Variants in QRICH2 observed in about 807,000 individuals in gnomAD.
QRICH2 encodes the protein glutamine-rich protein 2.
Under a neutral mutation model 168.3 loss-of-function variants are expected in QRICH2, and 119 were observed. The observed-to-expected ratio is 0.71, with a 90% CI of 0.61 to 0.82. The LOEUF (loss-of-function observed/expected upper bound fraction) is 0.82. QRICH2 is among the 40% of genes least tolerant of loss of function. The pLI is 0.00. For missense variants in QRICH2, 2,241 were observed against 2,491.6 expected, an observed-to-expected ratio of 0.90 and a Z score of 2.14; for synonymous variants, 894 against 951.2, an observed-to-expected ratio of 0.94 and a Z score of 1.11.
At chr17:76,302,078 T>C (rs937117005) in intron 3 of QRICH2, among the ~76,000 whole-genome samples, 1 of 152,136 alleles carries the variant, frequency 6.6e-6, no homozygotes, top group Admixed American at 6.5e-5. Flanking sequence ...TTTGTATTTT[T>C]AGTAGAGATG....
At chr17:76,278,688 G>C (rs565043737) in intron 14 of QRICH2, among the ~76,000 whole-genome samples, 1 of 152,192 alleles carries the variant, frequency 6.6e-6, no homozygotes, top group African/African-American at 2.4e-5. Flanking sequence ...TCCCCCCACC[G>C]CTCTAATCCC....
At position 76,305,165 on chromosome 17, in the gene QRICH2, C is replaced by CTTT. The variant is rs371179936; in HGVS notation, c.535-227_535-225dup. 4.9e-3 allele frequency among the ~76,000 whole-genome samples: 641 copies of CTTT among 129,998 alleles called. 17 individuals are homozygous for CTTT. Among genetic ancestry groups the CTTT allele is most frequent in the African/African-American group, 0.019 (609 of 32,568 alleles). 85.3% of individuals were successfully genotyped at this position (129,998 alleles called of 152,430 possible). A position where few individuals can be genotyped will look rare whatever the true frequency, so the allele number is the denominator to read the frequency against. The stretch of plus-strand genomic sequence containing the variant: ...CTTCTACTTGGGTTTTTTTGGTTTC[C>CTTT]TTTTTTTTTTTTTTTTGAGACAGGG... On this transcript the variant is annotated intron_variant, in intron 1 of 18. Transcript: ENST00000680821.
At position 76,282,087 on chromosome 17, in the gene QRICH2, C is replaced by T. The variant is rs1213383130; in HGVS notation, c.4040G>A (p.Ser1347Asn). 5.6e-6 allele frequency: 9 copies of T among 1,609,716 alleles called. No individual in the cohort carries two copies. The highest frequency in any genetic ancestry group is 3.3e-5 in the South Asian group (3 of 90,928). ...QLDKLRMIIE[S>N]MLTSSSTLLS... ...GAGCGTGGAGGAGGAGGTCAGCATG[C>T]TCTCAATGATCATCCTGAGCTTGTC... Residue 1347 changes from serine to asparagine, a missense_variant, in exon 8 of 19, where the codon AGC becomes AAC. Ser to Asn is a conservative substitution (Grantham distance 46). Coordinates refer to ENST00000680821, the MANE Select transcript of QRICH2 (RefSeq NM_001388453.1).
rs2070850496 is a variant in QRICH2 at position 76,284,714 on chromosome 17, A to T, written c.4011+2478T>A. The stretch of plus-strand genomic sequence containing the variant: ...GCGCCTGTAATCCCAGCTGCTTGGG[A>T]GGCTGAGGCAGGAGAATCACTTGAA... On this transcript the variant is annotated intron_variant, in intron 7 of 18. Coordinates refer to ENST00000680821, the MANE Select transcript of QRICH2 (RefSeq NM_001388453.1). 2.0e-5 allele frequency among the ~76,000 whole-genome samples: 3 copies of T among 151,832 alleles called. 1 individual carries two copies. Among genetic ancestry groups the T allele is most frequent in the African/African-American group, 7.2e-5 (3 of 41,498 alleles).
intron 4 of QRICH2, among the ~76,000 whole-genome samples, chr17:76,290,744 T>C (rs1361432164): frequency 6.6e-6 from 1 of 152,116 alleles, no homozygotes; most frequent in African/African-American, 2.4e-5. Context: ...GCTACTGCTC[T>C]CTATAACCAG....
Position 76,294,016 on chromosome 17 carries a change from T to C in QRICH2, c.711A>G (p.Ser237=). The C allele has an allele frequency of 6.3e-7, 1 of 1,597,306 alleles. No individual in the cohort carries two copies. The highest frequency in any genetic ancestry group is 8.6e-7 in the Non-Finnish European group (1 of 1,169,526). Residue 237 remains serine (S), a synonymous_variant, in exon 4 of 19, where the codon TCA becomes TCG. Transcript: ENST00000680821. The part of the protein sequence containing the change: ...TDGWRASQAG[S]ETLMGFSKHG... ...GCTTAGAAAATCCCATAAGTGTTTC[T>C]GAGCCCTGGTTGGAGAGGAAGAAGG...
Position 76,276,704 on chromosome 17 carries a change from G to A in QRICH2, c.5329C>T (p.Leu1777=). ...HIYKGRMDTR[L]PGILRKDSSG... is the part of the protein sequence containing the mutation. ...CTGTCTTTTCGGAGGATGCCTGGCA[G>A]CCTTGTGTCCATCCGTCCCTTGTAA... Residue 1777 remains leucine, a synonymous_variant, in exon 17 of 19, where the codon CTG becomes TTG. Transcript: ENST00000680821. 1.2e-6 allele frequency: 2 copies of A among 1,613,828 alleles called. No individual in the cohort carries two copies. The highest frequency in any genetic ancestry group is 1.7e-6 in the Non-Finnish European group (2 of 1,179,936).
At position 76,293,813 on chromosome 17, in the gene QRICH2, T is replaced by C. The variant is rs1369100410; in HGVS notation, c.914A>G (p.Lys305Arg). 2 of 1,613,930 alleles carry C rather than the reference T, an allele frequency of 1.2e-6. No homozygotes were observed. Among genetic ancestry groups the C allele is most frequent in the East Asian group, 2.2e-5 (1 of 44,884 alleles). ...CTGTCTCCCAGTACCAGAGGGGACC[T>C]TGCTTTGTTCCCTACTGGAAACCCC... ...SDGVSSREQS[K>R]VPSGTGRQQQ... The change falls in exon 4 of 19, where the codon AAG (lysine) becomes AGG (arginine). Residue 305 changes from lysine to arginine, a missense_variant. Lys to Arg is a conservative substitution (Grantham distance 26). Transcript: ENST00000680821.
intron 5 of QRICH2, among the ~76,000 whole-genome samples, chr17:76,288,227 T>C (rs2143253277): frequency 6.6e-6 from 1 of 150,468 alleles, no homozygotes; most frequent in African/African-American, 2.4e-5. Flanking sequence ...TACTAAAAAA[T>C]ACAAAAATCA....
At chr17:76,287,980 C>A in intron 5 of QRICH2, 83 bp from the exon 6 acceptor site, 2 of 1,100,830 alleles carry the variant, frequency 1.8e-6, no homozygotes, top group South Asian at 1.2e-5. Flanking sequence ...CTCATGCCAG[C>A]CCTCCCCGTT....
At chr17:76,284,747 G>A (rs927656519) in intron 7 of QRICH2, among the ~76,000 whole-genome samples, 2 of 151,846 alleles carry the variant, frequency 1.3e-5, no homozygotes, top group African/African-American at 4.8e-5. Context: ...GAACTCAGAG[G>A]GCGGAGGTTG....
At chr17:76,274,506 C>T (rs1477986069) in intron 18 of QRICH2, among the ~76,000 whole-genome samples, 1 of 152,162 alleles carries the variant, frequency 6.6e-6, no homozygotes, top group African/African-American at 2.4e-5. Context: ...TCTGCAGGAG[C>T]CAAGAGCTGC....
chr17:76,276,410 A>G (rs1333945911), intron 17 of QRICH2, among the ~76,000 whole-genome samples: 2 of 152,204 alleles, frequency 1.3e-5, no homozygotes, highest in African/African-American at 4.8e-5. Flanking sequence ...AGAGGCCAAG[A>G]CAGGAGAGCC....
chr17:76,309,129 G>A (rs1237313162), upstream of QRICH2, among the ~76,000 whole-genome samples: 3 of 149,204 alleles, frequency 2.0e-5, no homozygotes, highest in Non-Finnish European at 4.5e-5. Context: ...AGGCCGAGGC[G>A]GGTGGATCAC....
chr17:76,292,258 T>C lies in QRICH2; in HGVS notation c.2469A>G (p.Gln823=), dbSNP rs754471606. The change falls in exon 4 of 19, where the codon CAA becomes CAG. Residue 823 remains glutamine, a synonymous_variant. Transcript: ENST00000680821. ...CCAAACCACGCTGATCCACTCCAGG[T>C]TGGACCAAACCACGCTGAACTGCAC... is the stretch of plus-strand genomic sequence containing the variant. ...QPGAVQRGLV[Q]PGVDQRGLVQ... is the part of the protein sequence containing the mutation. The C allele has an allele frequency of 1.9e-6, 3 of 1,602,670 alleles. No homozygotes were observed. Among genetic ancestry groups the C allele is most frequent in the Non-Finnish European group, 2.6e-6 (3 of 1,175,908 alleles).
Position 76,281,594 on chromosome 17 carries a change from A to T in QRICH2, c.4263+270T>A, listed in dbSNP as rs2070788935. Among the ~76,000 whole-genome samples the T allele has an allele frequency of 6.6e-6, 1 of 152,156 alleles. No individual in the cohort carries two copies. Among genetic ancestry groups the T allele is most frequent in the Admixed American group, 6.5e-5 (1 of 15,286 alleles). On this transcript the variant is annotated intron_variant, in intron 8 of 18. Transcript: ENST00000680821. This position sits in a 1 kb window ranked among gnomAD's most constrained non-coding sequence, Gnocchi z 4.4. ...TCTCCAGGGCACGCGAAGGGCACTG[A>T]TCTGTCCTCAGCCGGCCTGTGCTGT...
intron 3 of QRICH2, chr17:76,301,479 G>A (rs1175822566): frequency 4.4e-6 from 1 of 228,882 alleles, no homozygotes; most frequent in Non-Finnish European, 9.2e-6. Flanking sequence ...GAGGCAGGAG[G>A]ATTGCTTGAG....
intron 7 of QRICH2, among the ~76,000 whole-genome samples, chr17:76,284,168 C>CAAAAAAA (rs61553346): frequency 3.2e-5 from 2 of 62,756 alleles, no homozygotes; most frequent in Admixed American, 1.8e-4. Flanking sequence ...ACTCTGTCTC[C>CAAAAAAA]AAAAAAAAAA....
upstream of QRICH2, chr17:76,308,442 T>C (rs956427271): frequency 1.0e-5 from 10 of 985,374 alleles, no homozygotes; most frequent in Non-Finnish European, 1.2e-5. Context: ...ATCCATCCCC[T>C]TAACCTAGAA....
Sources: gnomAD v4.1 joint callset for allele counts (sites outside exome capture counted in the v4.1 genomes callset) on GRCh38, gnomAD v4.1.1 for gene constraint, Gnocchi (gnomAD v3.1) non-coding constraint, MANE v1.5 for transcripts, NCBI Gene and HGNC (gene_info 2026-07-23, HGNC 2026-07-21) for gene names.